Variants in MTMR14 observed in about 807,000 individuals in gnomAD.
MTMR14 encodes the protein phosphatidylinositol-3,5-bisphosphate 3-phosphatase MTMR14.
A neutral mutation model predicts 86.3 loss-of-function variants in MTMR14; 48 were observed. The ratio of observed to expected loss-of-function variants is 0.56; its 90% CI spans 0.44 to 0.71. The LOEUF (loss-of-function observed/expected upper bound fraction) is 0.71. Among genes scored for constraint, MTMR14 ranks in the 30% least tolerant of loss-of-function variants. The pLI is 0.00. For missense variants in MTMR14, 780 were observed against 834.6 expected, an observed-to-expected ratio of 0.93 and a Z score of 0.81; for synonymous variants, 366 against 326.1, an observed-to-expected ratio of 1.12 and a Z score of -1.32.
intron 1 of MTMR14, chr3:9,650,409 A>G: frequency 6.6e-6 from 3 of 455,882 alleles, no homozygotes; most frequent in South Asian, 3.1e-5. Context: ...TGCGGTGGGA[A>G]TCTTGCCGAC....
chr3:9,651,739 C>G (rs1028861528), intron 1 of MTMR14, among the ~76,000 whole-genome samples: 1 of 151,960 alleles, frequency 6.6e-6, no homozygotes, highest in Non-Finnish European at 1.5e-5. Context: ...GATCTTGGCT[C>G]GCTGCAACTT....
At position 9,652,551 on chromosome 3, in the gene MTMR14, G is replaced by A. The variant is rs569516791; in HGVS notation, c.160-1070G>A. Among the ~76,000 whole-genome samples the A allele has an allele frequency of 2.6e-5, 4 of 152,178 alleles. No individual in the cohort carries two copies. The South Asian group carries it at 6.2e-4, about 24-fold the overall frequency. On this transcript the variant is annotated intron_variant, in intron 1 of 18. Coordinates refer to ENST00000296003, the MANE Select transcript of MTMR14 (RefSeq NM_001077525.3). ...GTAGACTGCTTCAGCCCAGGAGTTC[G>A]AGAGCAGCCTGGAAACATGAACCCC...
At chr3:9,681,842 C>T (rs1316496943) in intron 9 of MTMR14, among the ~76,000 whole-genome samples, 2 of 152,026 alleles carry the variant, frequency 1.3e-5, no homozygotes, top group Middle Eastern at 3.4e-3. Context: ...TCAGCTCAGC[C>T]GTGTGACCTT....
chr3:9,671,321 A>G, intron 6 of MTMR14, 151 bp downstream of exon 6: 1 of 1,090,558 alleles, frequency 9.2e-7, no homozygotes, highest in Non-Finnish European at 1.3e-6. Flanking sequence ...GCCCTGCAAA[A>G]TAGGTACCAG....
At chr3:9,696,054 C>T (rs2076272992) in intron 17 of MTMR14, among the ~76,000 whole-genome samples, 1 of 152,206 alleles carries the variant, frequency 6.6e-6, no homozygotes, top group South Asian at 2.1e-4. Context: ...CACGCACCTT[C>T]TAGAGTTTAG....
At chr3:9,685,275 C>T in intron 13 of MTMR14, 28 bp downstream of exon 13, 1 of 1,613,508 alleles carries the variant, frequency 6.2e-7, no homozygotes, top group Non-Finnish European at 8.5e-7. Context: ...GACTTGTGGG[C>T]ACAGCTCAGC....
At chr3:9,668,875 C>G (rs2048406963) in intron 4 of MTMR14, 81 bp downstream of exon 4, 3 of 1,426,062 alleles carry the variant, frequency 2.1e-6, no homozygotes, top group East Asian at 2.3e-5. Flanking sequence ...CGCCATGCCT[C>G]ACGCCTGTAA....
chr3:9,693,583 C>A lies in MTMR14; in HGVS notation c.1613+3440C>A, dbSNP rs6806655. On this transcript the variant is annotated intron_variant, in intron 17 of 18. Transcript: ENST00000296003. ...GTTAAGAAAATCATAAGGAAGGGAA[C>A]CTATATTTCCTGTGTGTTCAGTAGA... Among the ~76,000 whole-genome samples, 988 of 152,232 alleles carry A rather than the reference C, an allele frequency of 6.5e-3. 13 individuals are homozygous for A. Among genetic ancestry groups the A allele is most frequent in the African/African-American group, 0.022 (933 of 41,520 alleles).
chr3:9,689,124 C>T (rs1341259273), intron 16 of MTMR14, 42 bp downstream of exon 16: 4 of 1,602,098 alleles, frequency 2.5e-6, no homozygotes, highest in Non-Finnish European at 3.4e-6. Flanking sequence ...ACAGCTGTGG[C>T]CCGGGGCCAT....
At chr3:9,663,266 G>A (rs527371345) in intron 3 of MTMR14, among the ~76,000 whole-genome samples, 1 of 152,162 alleles carries the variant, frequency 6.6e-6, no homozygotes, top group African/African-American at 2.4e-5. Context: ...GCAGGGCAAT[G>A]GGGAGAGTCT....
At chr3:9,666,676 C>A (rs2048270604) in intron 3 of MTMR14, among the ~76,000 whole-genome samples, 1 of 152,148 alleles carries the variant, frequency 6.6e-6, no homozygotes, top group Admixed American at 6.5e-5. Flanking sequence ...GGCTTTTAGA[C>A]CATTGAAACT....
chr3:9,688,226 G>T (rs2076025285), intron 14 of MTMR14, among the ~76,000 whole-genome samples: 1 of 152,212 alleles, frequency 6.6e-6, no homozygotes, highest in South Asian at 2.1e-4. Context: ...TTAACTCCCA[G>T]TGTGCCCAAG....
chr3:9,654,240 C>G (rs1254252837), intron 2 of MTMR14, among the ~76,000 whole-genome samples: 1 of 152,278 alleles, frequency 6.6e-6, no homozygotes, highest in East Asian at 1.9e-4. Context: ...TACTTAACTG[C>G]TTTGTCCTTA....
chr3:9,653,549 C>T (rs147913681), intron 1 of MTMR14, 72 bp from the exon 2 acceptor site: 9 of 1,594,520 alleles, frequency 5.6e-6, no homozygotes, highest in South Asian at 1.1e-5. Context: ...ACCTCTTAGG[C>T]CATGGACCTC....
intron 10 of MTMR14, 30 bp from the exon 11 acceptor site, chr3:9,684,555 T>G (rs757020902): frequency 1.0e-4 from 162 of 1,611,650 alleles, no homozygotes; most frequent in Middle Eastern, 4.9e-4. Context: ...GGTTCTCTCC[T>G]GGGCATCCTC....
intron 10 of MTMR14, among the ~76,000 whole-genome samples, chr3:9,683,944 G>A (rs539535666): frequency 3.0e-4 from 46 of 152,336 alleles, no homozygotes; most frequent in Non-Finnish European, 4.7e-4. Flanking sequence ...TGGAGTTCCA[G>A]TAAAGGTCTG....
intron 10 of MTMR14, chr3:9,683,690 C>G (rs1189776501): frequency 6.0e-6 from 1 of 166,108 alleles, no homozygotes; most frequent in African/African-American, 2.4e-5. Flanking sequence ...TGCTCAATGT[C>G]TCTAGGGCAG....
At chr3:9,672,086 C>T (rs996656226) in intron 6 of MTMR14, among the ~76,000 whole-genome samples, 1 of 152,186 alleles carries the variant, frequency 6.6e-6, no homozygotes, top group Non-Finnish European at 1.5e-5. Context: ...TTATTTGGCT[C>T]TCATCTCATT....
At chr3:9,659,315 C>T (rs1047042405) in intron 2 of MTMR14, among the ~76,000 whole-genome samples, 6 of 152,188 alleles carry the variant, frequency 3.9e-5, no homozygotes, top group African/African-American at 1.4e-4. Flanking sequence ...CAGAAGCCTA[C>T]ATTCATCCCT....
Sources: gnomAD v4.1 joint callset for allele counts (sites outside exome capture counted in the v4.1 genomes callset) on GRCh38, gnomAD v4.1.1 for gene constraint, MANE v1.5 for transcripts, NCBI Gene and HGNC (gene_info 2026-07-23, HGNC 2026-07-21) for gene names.